The following DENND1B variants were observed in gnomAD, a reference collection of about 807,000 sequenced individuals.
The protein encoded by DENND1B is DENN domain containing 1B, also known as DENN domain-containing protein 1B.
In DENND1B, 59 loss-of-function variants were observed where a neutral mutation model predicts 90.1. The observed-to-expected ratio is 0.65, with a 90% confidence interval of 0.53 to 0.81. The LOEUF is 0.81. DENND1B is among the 40% of genes least tolerant of loss of function. DENND1B has a pLI of 0.00. For missense variants in DENND1B, 862 were observed against 912.6 expected, an observed-to-expected ratio of 0.94 and a Z score of 0.71; for synonymous variants, 337 against 324.6, an observed-to-expected ratio of 1.04 and a Z score of -0.41.
chr1:197,650,180 C>T (rs978677255), intron 7 of DENND1B, among the ~76,000 whole-genome samples: 1 of 152,104 alleles, frequency 6.6e-6, no homozygotes, highest in African/African-American at 2.4e-5. Context: ...CAAGAATGGC[C>T]ATAATCAAAA....
chr1:197,672,481 A>G (rs1424495651), intron 4 of DENND1B, among the ~76,000 whole-genome samples: 2 of 152,070 alleles, frequency 1.3e-5, no homozygotes, highest in Admixed American at 1.3e-4. Flanking sequence ...CTGAAACTGT[A>G]GAAGCAGCTA....
intron 20 of DENND1B, among the ~76,000 whole-genome samples, chr1:197,530,414 T>C (rs374516623): frequency 2.0e-5 from 3 of 152,314 alleles, no homozygotes; most frequent in Admixed American, 6.5e-5. Flanking sequence ...AATAATCAAA[T>C]GGACTAGGAA....
At chr1:197,663,590 A>T (rs1327843034) in intron 5 of DENND1B, among the ~76,000 whole-genome samples, 1 of 152,114 alleles carries the variant, frequency 6.6e-6, no homozygotes, top group Non-Finnish European at 1.5e-5. Flanking sequence ...TTCACTGTAA[A>T]AATCCAGACT....
chr1:197,771,496 C>T (rs893920330), intron 2 of DENND1B, among the ~76,000 whole-genome samples: 1 of 152,216 alleles, frequency 6.6e-6, no homozygotes, highest in African/African-American at 2.4e-5. Flanking sequence ...AGGATCACTC[C>T]TTGCCAATAG....
At chr1:197,696,599 G>C (rs142824414) in intron 3 of DENND1B, among the ~76,000 whole-genome samples, 11 of 151,552 alleles carry the variant, frequency 7.3e-5, no homozygotes, top group African/African-American at 2.7e-4. Context: ...GAATTCCTAC[G>C]ATATGTGTCA....
chr1:197,545,856 G>T, intron 18 of DENND1B, 66 bp downstream of exon 18: 2 of 1,311,424 alleles, frequency 1.5e-6, no homozygotes, highest in Non-Finnish European at 2.1e-6. Flanking sequence ...GAATTTATAT[G>T]TCTATCACCT....
chr1:197,729,433 T>G (rs1284613062), intron 2 of DENND1B, among the ~76,000 whole-genome samples: 1 of 152,132 alleles, frequency 6.6e-6, no homozygotes, highest in Non-Finnish European at 1.5e-5. Flanking sequence ...TACCCTAACA[T>G]AAACCTGATC....
intron 3 of DENND1B, among the ~76,000 whole-genome samples, chr1:197,687,286 GA>G (rs1268885414): frequency 2.0e-5 from 3 of 152,130 alleles, no homozygotes; most frequent in African/African-American, 7.2e-5. Context: ...GTGATAATTA[GA>G]TGAATTTACA....
At chr1:197,659,598 A>G (rs2125956475) in intron 5 of DENND1B, among the ~76,000 whole-genome samples, 1 of 152,148 alleles carries the variant, frequency 6.6e-6, no homozygotes, top group East Asian at 1.9e-4. Flanking sequence ...AAAAGGGTAT[A>G]TATTAATGAA....
At chr1:197,625,979 A>C (rs538202564) in intron 10 of DENND1B, among the ~76,000 whole-genome samples, 37 of 152,280 alleles carry the variant, frequency 2.4e-4, no homozygotes, top group Non-Finnish European at 3.4e-4. Context: ...TAACTGTCCC[A>C]AATACATATG....
intron 7 of DENND1B, among the ~76,000 whole-genome samples, chr1:197,651,873 T>A (rs1653245226): frequency 6.6e-6 from 1 of 151,968 alleles, no homozygotes; most frequent in African/African-American, 2.4e-5. Context: ...GCCAAGATGG[T>A]CTCGATCTCC....
chr1:197,606,898 C>G, intron 13 of DENND1B, 175 bp downstream of exon 13: 1 of 556,246 alleles, frequency 1.8e-6, no homozygotes, highest in Non-Finnish European at 3.1e-6. Flanking sequence ...CATTCAAAAT[C>G]TCAACTGCTA....
rs538863030 is a variant in DENND1B, at chr1:197,625,310, G to C, written c.673-7551C>G. Among the ~76,000 whole-genome samples, 4 of 152,226 alleles carry C rather than the reference G, an allele frequency of 2.6e-5. No homozygotes were observed. The South Asian group carries it at 8.3e-4, about 32-fold the overall frequency. The stretch of plus-strand genomic sequence containing the variant: ...AGGGAAGCCCATCAGACTAACAGCA[G>C]ATCTCTCAGCAGAAACGCTACAAGC... On this transcript the variant is annotated intron_variant, in intron 10 of 22. Transcript: ENST00000620048.
chr1:197,607,220 T>G, intron 12 of DENND1B, 46 bp from the exon 13 acceptor site: 1 of 1,315,906 alleles, frequency 7.6e-7, no homozygotes, highest in South Asian at 1.4e-5. Flanking sequence ...ATATTTACTT[T>G]ACAAAGTTAT....
At chr1:197,598,579 C>T (rs972379427) in intron 13 of DENND1B, among the ~76,000 whole-genome samples, 11 of 151,694 alleles carry the variant, frequency 7.3e-5, no homozygotes, top group African/African-American at 2.7e-4. Context: ...CTTTAATTTC[C>T]AAACTTCTAA....
In DENND1B at chr1:197,607,146, A is replaced by G; in HGVS notation, c.848T>C (p.Val283Ala). 1 of 1,593,310 alleles carries G rather than the reference A, an allele frequency of 6.3e-7. No individual in the cohort carries two copies. The highest frequency in any genetic ancestry group is 1.1e-5 in the South Asian group (1 of 89,554). ...ERVKNKSLEDVVMLNVDTNTL... is the reference protein window; with the variant it reads ...ERVKNKSLEDAVMLNVDTNTL... ...GTTTGTATCAACATTTAACATAACAACATCTTCCAATGATTTGTTTTTCAC... is the reference window on the plus strand; with the variant it reads ...GTTTGTATCAACATTTAACATAACAGCATCTTCCAATGATTTGTTTTTCAC... Residue 283 changes from valine to alanine, a missense_variant, in exon 13 of 23, where the codon GTT becomes GCT. By Grantham distance (64) the Val-to-Ala change is moderately conservative. Coordinates refer to ENST00000620048, the MANE Select transcript of DENND1B (RefSeq NM_001195215.2).
At chr1:197,511,258 T>G (rs1257519134) in intron 22 of DENND1B, among the ~76,000 whole-genome samples, 1 of 151,822 alleles carries the variant, frequency 6.6e-6, no homozygotes, top group Non-Finnish European at 1.5e-5. Context: ...TTGTCATTAC[T>G]CATACTTCTA....
intron 7 of DENND1B, among the ~76,000 whole-genome samples, chr1:197,647,898 G>A (rs1173314853): frequency 1.4e-5 from 2 of 145,610 alleles, no homozygotes; most frequent in African/African-American, 2.6e-5. Context: ...ACTGAGCTGA[G>A]ATCACGCCAT....
chr1:197,527,294 A>G (rs1258519208), intron 20 of DENND1B, among the ~76,000 whole-genome samples: 4 of 148,426 alleles, frequency 2.7e-5, no homozygotes, highest in African/African-American at 7.4e-5. Flanking sequence ...AGAGTTGATC[A>G]CTTGAAGGTT....
Sources: allele counts gnomAD v4.1 joint callset (sites outside exome capture counted in the v4.1 genomes callset), GRCh38; gene constraint gnomAD v4.1.1; transcripts MANE v1.5; gene names NCBI Gene and HGNC (gene_info 2026-07-23, HGNC 2026-07-21).